RANBP2: variants seen among roughly 807,000 people sequenced by gnomAD.
The protein encoded by RANBP2 is E3 SUMO-protein ligase RanBP2.
Under a neutral mutation model 303.6 loss-of-function variants are expected in RANBP2, and 57 were observed. That is an observed-to-expected ratio of 0.19 (90% CI 0.15 to 0.23). The LOEUF is 0.23. RANBP2 is among the 10% of genes least tolerant of loss of function. The pLI is 1.00. For missense variants in RANBP2, 3,138 were observed against 3,780.8 expected, an observed-to-expected ratio of 0.83 and a Z score of 4.46; for synonymous variants, 1,167 against 1,301.5, an observed-to-expected ratio of 0.90 and a Z score of 2.23.
At chr2:109,543,364 A>T in the RANBP2 span, 1 of 152,284 alleles carries the variant, frequency 6.6e-6, no homozygotes, top group South Asian at 2.1e-4. Context: ...ATATATCTGG[A>T]TGTTTTAACT....
the RANBP2 span, among the ~76,000 whole-genome samples, chr2:109,195,515 C>T: frequency 9.8e-5 from 15 of 152,324 alleles, no homozygotes; most frequent in South Asian, 2.7e-3. Flanking sequence ...TGGAAACCTA[C>T]GTTCTTTAGA....
the RANBP2 span, among the ~76,000 whole-genome samples, chr2:109,294,560 C>CAA: frequency 9.9e-6 from 1 of 100,750 alleles, no homozygotes; most frequent in East Asian, 2.8e-4. Flanking sequence ...GACTCAGTCT[C>CAA]AAAAAAAAAA....
At chr2:109,687,409 C>T in the RANBP2 span, among the ~76,000 whole-genome samples, 4 of 152,154 alleles carry the variant, frequency 2.6e-5, no homozygotes, top group South Asian at 6.2e-4. Context: ...CCTGCCCCAT[C>T]CCTAGAACCA....
the RANBP2 span, among the ~76,000 whole-genome samples, chr2:109,215,488 C>T: frequency 1.3e-4 from 20 of 152,120 alleles, no homozygotes; most frequent in African/African-American, 4.3e-4. Flanking sequence ...GGGAGGTAGC[C>T]GGGCCCTGAT....
the RANBP2 span, among the ~76,000 whole-genome samples, chr2:109,278,283 C>G: frequency 1.3e-5 from 2 of 152,214 alleles, no homozygotes; most frequent in African/African-American, 4.8e-5. Flanking sequence ...CGGCAGGGCC[C>G]CGTGCTTCAG....
At chr2:108,947,600 A>G in the RANBP2 span, among the ~76,000 whole-genome samples, 5 of 152,250 alleles carry the variant, frequency 3.3e-5, no homozygotes, top group Admixed American at 3.3e-4. Flanking sequence ...CGCAGTCCCA[A>G]CACCAAGTGG....
chr2:109,118,378 G>A, the RANBP2 span, among the ~76,000 whole-genome samples: 1 of 151,940 alleles, frequency 6.6e-6, no homozygotes, highest in Non-Finnish European at 1.5e-5. Flanking sequence ...CTGGCAAAGA[G>A]CAAACAAACA....
At chr2:109,026,786 G>T in the RANBP2 span, among the ~76,000 whole-genome samples, 1 of 152,204 alleles carries the variant, frequency 6.6e-6, no homozygotes, top group East Asian at 1.9e-4. Flanking sequence ...ATTAGAAGTG[G>T]CCGGGTGCAG....
At chr2:109,206,490 C>CAAAAA in the RANBP2 span, among the ~76,000 whole-genome samples, 4 of 40,742 alleles carry the variant, frequency 9.8e-5, no homozygotes, top group Non-Finnish European at 1.3e-4. Context: ...GACTCCGTCT[C>CAAAAA]AAAAAAAAAA....
At chr2:109,213,852 G>A in the RANBP2 span, among the ~76,000 whole-genome samples, 2 of 152,196 alleles carry the variant, frequency 1.3e-5, no homozygotes, top group African/African-American at 2.4e-5. Context: ...CCCGTGGGTC[G>A]TTCTGAGGTC....
the RANBP2 span, among the ~76,000 whole-genome samples, chr2:109,255,074 C>T: frequency 1.3e-5 from 2 of 152,148 alleles, no homozygotes; most frequent in East Asian, 3.9e-4. Flanking sequence ...GGCTAAAAGA[C>T]ACAAGGTGGT....
At chr2:109,482,396 G>T in the RANBP2 span, among the ~76,000 whole-genome samples, 1 of 152,262 alleles carries the variant, frequency 6.6e-6, no homozygotes, top group South Asian at 2.1e-4. Flanking sequence ...AAATACCAGG[G>T]ACACCCAGCT....
chr2:109,034,298 G>GAAAAAAAT, the RANBP2 span, among the ~76,000 whole-genome samples: 1 of 125,456 alleles, frequency 8.0e-6, no homozygotes. Context: ...AAAAAAAAAG[G>GAAAAAAAT]AAGGTTCAAA....
intron 6 of RANBP2, among the ~76,000 whole-genome samples, chr2:108,737,826 G>A (rs1695733578): frequency 6.7e-6 from 1 of 149,276 alleles, no homozygotes; most frequent in South Asian, 2.1e-4. Flanking sequence ...CCATTCTTCT[G>A]CCTCAGCCTC....
the RANBP2 span, chr2:109,251,736 C>T: frequency 6.1e-6 from 4 of 655,728 alleles, no homozygotes; most frequent in African/African-American, 7.3e-5. Flanking sequence ...TGTACATTTT[C>T]ATATTAGACT....
chr2:108,944,597 C>T, the RANBP2 span, among the ~76,000 whole-genome samples: 1 of 152,072 alleles, frequency 6.6e-6, no homozygotes, highest in Admixed American at 6.5e-5. Flanking sequence ...CATTCCTGCC[C>T]TCAGCAGACC....
At chr2:109,614,689 G>T in the RANBP2 span, 1 of 1,487,846 alleles carries the variant, frequency 6.7e-7, no homozygotes, top group East Asian at 2.9e-5. Context: ...GCCACTGTGC[G>T]CGTCGATCCC....
chr2:109,064,195 C>G, the RANBP2 span, among the ~76,000 whole-genome samples: 2 of 151,898 alleles, frequency 1.3e-5, no homozygotes, highest in Non-Finnish European at 2.9e-5. Context: ...GCAGGCCGGG[C>G]GGGGTGGCTC....
At chr2:109,553,796 G>A in the RANBP2 span, among the ~76,000 whole-genome samples, 2 of 151,804 alleles carry the variant, frequency 1.3e-5, no homozygotes, top group Middle Eastern at 3.2e-3. Context: ...GAAGGTTGCA[G>A]TGAGCCAAGA....
Sources: allele counts gnomAD v4.1 joint callset (sites outside exome capture counted in the v4.1 genomes callset), GRCh38; gene constraint gnomAD v4.1.1; transcripts MANE v1.5; gene names NCBI Gene and HGNC (gene_info 2026-07-23, HGNC 2026-07-21).